Variants in ACAD9 observed in about 807,000 individuals in gnomAD.
The protein encoded by ACAD9 is complex I assembly factor ACAD9, mitochondrial.
In ACAD9, 53 loss-of-function variants were observed where a neutral mutation model predicts 70.2. That is an observed-to-expected ratio of 0.75 (90% CI 0.61 to 0.95). ACAD9 has a LOEUF of 0.95. Ranked by LOEUF, ACAD9 falls within the 40% of genes least tolerant of loss-of-function variation. ACAD9 has a pLI of 0.00. For missense variants in ACAD9, 777 were observed against 802.8 expected, an observed-to-expected ratio of 0.97 and a Z score of 0.39; for synonymous variants, 313 against 312.1, an observed-to-expected ratio of 1.00 and a Z score of -0.03.
chr3:128,907,691 A>T (rs1353942199), intron 12 of ACAD9, among the ~76,000 whole-genome samples: 1 of 152,164 alleles, frequency 6.6e-6, no homozygotes, highest in Non-Finnish European at 1.5e-5. Context: ...CTGGCCTCTC[A>T]CTGATCAGAA....
Position 128,902,396 on chromosome 3 carries a change from G to A in ACAD9, c.883-157G>A, listed in dbSNP as rs531612667. Among the ~76,000 whole-genome samples, 3 of 152,310 alleles carry A rather than the reference G, an allele frequency of 2.0e-5. No homozygotes were observed. Among genetic ancestry groups the A allele is most frequent in the Non-Finnish European group, 2.9e-5 (2 of 68,030 alleles). On this transcript the variant is annotated intron_variant, in intron 8 of 17. Transcript: ENST00000308982. The surrounding 1 kb of genome is among the most constrained non-coding windows in gnomAD (Gnocchi z 4.0). Reference sequence around the variant, plus strand: ...TCTTGTGTGTGGGGATGTTGGTAGAGCTGCAACAGTGACTGAACCACCTTG... The same window carrying A: ...TCTTGTGTGTGGGGATGTTGGTAGAACTGCAACAGTGACTGAACCACCTTG...
chr3:128,890,377 C>A (rs113519807), intron 2 of ACAD9, among the ~76,000 whole-genome samples: 1 of 152,064 alleles, frequency 6.6e-6, no homozygotes, highest in Non-Finnish European at 1.5e-5. Flanking sequence ...AGAGCCACCT[C>A]GCCCAGCCTG....
chr3:128,881,570 T>C (rs1452620191), intron 1 of ACAD9, among the ~76,000 whole-genome samples: 1 of 152,212 alleles, frequency 6.6e-6, no homozygotes, highest in Non-Finnish European at 1.5e-5. Flanking sequence ...CTCTACTGGA[T>C]CTTGAGCCCT....
intron 1 of ACAD9, among the ~76,000 whole-genome samples, chr3:128,882,493 CA>C: frequency 6.6e-6 from 1 of 152,352 alleles, no homozygotes; most frequent in Middle Eastern, 3.4e-3. Context: ...AGGCCAGTGT[CA>C]TCTCTCACAG....
intron 2 of ACAD9, among the ~76,000 whole-genome samples, chr3:128,886,131 C>T (rs1935238301): frequency 1.3e-5 from 2 of 151,118 alleles, no homozygotes; most frequent in South Asian, 4.2e-4. Context: ...GAGACAGAGT[C>T]TCACTCTGTC....
chr3:128,897,270 C>T lies in ACAD9; in HGVS notation c.555-362C>T, dbSNP rs147314145. ...GTGGCTCAATCTCATCTCACTGCAA[C>T]CTCCGCCTTCAAGCGATTCTTCTGC... On this transcript the variant is annotated intron_variant, in intron 5 of 17. Transcript: ENST00000308982. Among the ~76,000 whole-genome samples the T allele has an allele frequency of 7.6e-4, 115 of 152,276 alleles. No individual in the cohort carries two copies. The East Asian group carries it at 0.021, about 28-fold the overall frequency.
intron 8 of ACAD9, among the ~76,000 whole-genome samples, chr3:128,901,578 C>T (rs945672172): frequency 2.0e-5 from 3 of 152,198 alleles, no homozygotes; most frequent in Non-Finnish European, 4.4e-5. Context: ...AGGCCCTATT[C>T]GCCTCGAGCG....
intron 7 of ACAD9, among the ~76,000 whole-genome samples, chr3:128,900,152 G>C (rs939001736): frequency 2.6e-5 from 4 of 152,102 alleles, no homozygotes; most frequent in African/African-American, 9.7e-5. Flanking sequence ...GACTTGTCTT[G>C]AACTCCTGAG....
At chr3:128,901,191 G>A in intron 7 of ACAD9, 85 bp from the exon 8 acceptor site, 1 of 1,232,916 alleles carries the variant, frequency 8.1e-7, no homozygotes, top group Non-Finnish European at 1.2e-6. Context: ...TGGATGGATG[G>A]ATGGATGGAT....
chr3:128,909,991 A>C lies in ACAD9; in HGVS notation c.1564-30A>C, dbSNP rs1936084661. The C allele has an allele frequency of 1.9e-6, 3 of 1,611,206 alleles. No individual in the cohort carries two copies. The African/African-American group carries it at 4.0e-5, about 22-fold the overall frequency. On this transcript the variant is annotated intron_variant, in intron 15 of 17. Coordinates refer to ENST00000308982, the MANE Select transcript of ACAD9 (RefSeq NM_014049.5). ...ATGTGGGGGACTGGTCTAGGTAGTG[A>C]GTCCCCACTTGGAGCCTCTGTGATC... is the stretch of plus-strand genomic sequence containing the variant.
intron 1 of ACAD9, among the ~76,000 whole-genome samples, chr3:128,880,357 A>G (rs540543528): frequency 6.6e-6 from 1 of 152,200 alleles, no homozygotes; most frequent in South Asian, 2.1e-4. Flanking sequence ...TAAAACACTC[A>G]TTGTCTTCTT....
chr3:128,890,465 G>T (rs1935386496), intron 2 of ACAD9, among the ~76,000 whole-genome samples: 1 of 152,022 alleles, frequency 6.6e-6, no homozygotes, highest in South Asian at 2.1e-4. Flanking sequence ...CACTTTGGGC[G>T]GCCGAGATGG....
rs1361194005 is a variant in ACAD9 at position 128,896,546 on chromosome 3, T to A, written c.554+10T>A. On this transcript the variant is annotated intron_variant, in intron 5 of 17. Coordinates refer to ENST00000308982, the MANE Select transcript of ACAD9 (RefSeq NM_014049.5). ...TCACGGAGCCAGCCAGGTCTGTCTC[T>A]GCACAAAACGTTATCCCTCAGCAGC... 1 of 1,613,786 alleles carries A rather than the reference T, an allele frequency of 6.2e-7. No homozygotes were observed. Among genetic ancestry groups the A allele is most frequent in the Non-Finnish European group, 8.5e-7 (1 of 1,179,836 alleles).
At chr3:128,899,247 G>A in intron 6 of ACAD9, 40 bp from the exon 7 acceptor site, 1 of 1,609,770 alleles carries the variant, frequency 6.2e-7, no homozygotes, top group Non-Finnish European at 8.5e-7. Flanking sequence ...GGGTCACATA[G>A]GGGTTTGGTT....
intron 1 of ACAD9, 41 bp downstream of exon 1, chr3:128,879,882 G>T (rs1365206907): frequency 5.0e-6 from 8 of 1,613,358 alleles, no homozygotes; most frequent in Non-Finnish European, 6.8e-6. Flanking sequence ...TCTGGCTCCC[G>T]CTTTTCACCC....
At chr3:128,884,395 T>C (rs1383627251) in intron 1 of ACAD9, among the ~76,000 whole-genome samples, 1 of 152,198 alleles carries the variant, frequency 6.6e-6, no homozygotes. Context: ...TCATCCCTTG[T>C]ACTGAGAAGG....
chr3:128,891,159 A>G (rs1326782404), intron 2 of ACAD9, among the ~76,000 whole-genome samples: 1 of 152,112 alleles, frequency 6.6e-6, no homozygotes, highest in Non-Finnish European at 1.5e-5. Flanking sequence ...AAAATAGGAA[A>G]AAAGGATCTT....
rs750089899 is a variant in ACAD9, at chr3:128,901,350, G to A, written c.882+1G>A. The A allele has an allele frequency of 1.9e-6, 3 of 1,614,150 alleles. No homozygotes were observed. Among genetic ancestry groups the A allele is most frequent in the Non-Finnish European group, 2.5e-6 (3 of 1,179,984 alleles). ...TGGAGAGGTCGGAGATGGGTTTAAG[G>A]TGAGTTGCCAGCCACAGCCCCTTGT... On this transcript the variant is annotated splice_donor_variant, in intron 8 of 17. Coordinates refer to ENST00000308982, the MANE Select transcript of ACAD9 (RefSeq NM_014049.5). LOFTEE classifies it high-confidence loss of function.
chr3:128,899,430 C>G lies in ACAD9; in HGVS notation c.777C>G (p.Pro259=), dbSNP rs774791169. 4 of 1,614,112 alleles carry G rather than the reference C, an allele frequency of 2.5e-6. No homozygotes were observed. The highest frequency in any genetic ancestry group is 2.2e-5 in the East Asian group (1 of 44,884). The part of the protein sequence containing the change: ...RDFGGVTNGK[P]EDKLGIRGSN... ...TTGGTGGAGTCACTAATGGGAAACC[C>G]GAAGATAAATTAGGCATTCGGGGCT... Residue 259 remains proline (P), a synonymous_variant, in exon 7 of 18, where the codon CCC becomes CCG. Transcript: ENST00000308982.
Sources: gnomAD v4.1 joint callset for allele counts (sites outside exome capture counted in the v4.1 genomes callset) on GRCh38, gnomAD v4.1.1 for gene constraint, Gnocchi (gnomAD v3.1) non-coding constraint, MANE v1.5 for transcripts, NCBI Gene and HGNC (gene_info 2026-07-23, HGNC 2026-07-21) for gene names.